Variants in CCDC60 observed in about 807,000 individuals in gnomAD.
CCDC60 encodes coiled-coil domain-containing protein 60.
A neutral mutation model predicts 63.5 loss-of-function variants in CCDC60; 54 were observed. The observed-to-expected ratio is 0.85, with a 90% CI of 0.68 to 1.07. The LOEUF is 1.07. Ranked by LOEUF, CCDC60 falls within the 50% of genes least tolerant of loss-of-function variation. The pLI, the probability that CCDC60 is intolerant of heterozygous loss-of-function variation, is 0.00. For synonymous variants in CCDC60, 206 were observed against 238.8 expected, an observed-to-expected ratio of 0.86 and a Z score of 1.27; for missense variants, 651 against 684.3, an observed-to-expected ratio of 0.95 and a Z score of 0.54.
chr12:119,513,539 C>A (rs1214769910), intron 7 of CCDC60, among the ~76,000 whole-genome samples: 1 of 152,210 alleles, frequency 6.6e-6, no homozygotes, highest in Non-Finnish European at 1.5e-5. Flanking sequence ...CTATATATCT[C>A]TCTTTCCTAC....
intron 7 of CCDC60, among the ~76,000 whole-genome samples, chr12:119,511,893 G>C (rs975555188): frequency 6.6e-6 from 1 of 152,162 alleles, no homozygotes; most frequent in African/African-American, 2.4e-5. Flanking sequence ...CTTGCTAATA[G>C]GCTTCTGGAC....
chr12:119,446,358 G>C (rs1950541955), intron 2 of CCDC60, among the ~76,000 whole-genome samples: 1 of 152,140 alleles, frequency 6.6e-6, no homozygotes, highest in Non-Finnish European at 1.5e-5. Flanking sequence ...GTGGAGATGG[G>C]AGCAGTATAT....
chr12:119,493,753 G>A (rs1012371534), intron 5 of CCDC60, among the ~76,000 whole-genome samples: 1 of 152,190 alleles, frequency 6.6e-6, no homozygotes, highest in Non-Finnish European at 1.5e-5. Flanking sequence ...TTTAGGCAAA[G>A]TAGGATCTGA....
chr12:119,469,799 A>G (rs1031224490), intron 2 of CCDC60, among the ~76,000 whole-genome samples: 2 of 152,234 alleles, frequency 1.3e-5, no homozygotes, highest in African/African-American at 4.8e-5. Flanking sequence ...TGAGATGCGA[A>G]AAAATGGGCC....
intron 7 of CCDC60, among the ~76,000 whole-genome samples, chr12:119,507,539 C>CATATAT (rs1952047994): frequency 1.1e-5 from 1 of 91,026 alleles, no homozygotes; most frequent in African/African-American, 4.7e-5. Flanking sequence ...CATATATATA[C>CATATAT]ACATATATAT....
At chr12:119,407,551 A>T (rs1359217771) in intron 1 of CCDC60, among the ~76,000 whole-genome samples, 5 of 152,146 alleles carry the variant, frequency 3.3e-5, no homozygotes, top group African/African-American at 1.2e-4. Context: ...TTAATTAATT[A>T]CTAAAAATAT....
At chr12:119,419,539 C>T (rs567172768) in intron 1 of CCDC60, among the ~76,000 whole-genome samples, 4 of 152,284 alleles carry the variant, frequency 2.6e-5, no homozygotes, top group South Asian at 2.1e-4. Context: ...ATGGGTATCT[C>T]GTTTCCTTTG....
chr12:119,344,159 G>A (rs1252869853), intron 1 of CCDC60, among the ~76,000 whole-genome samples: 2 of 152,144 alleles, frequency 1.3e-5, no homozygotes, highest in Non-Finnish European at 2.9e-5. Context: ...ATTGCAGGGT[G>A]TGAAGCAGCA....
chr12:119,512,553 T>G (rs1437036857), intron 7 of CCDC60, among the ~76,000 whole-genome samples: 1 of 152,102 alleles, frequency 6.6e-6, no homozygotes, highest in Non-Finnish European at 1.5e-5. Flanking sequence ...CCCTACCAGG[T>G]GCAATGGATG....
chr12:119,450,117 T>C (rs556408512), intron 2 of CCDC60, among the ~76,000 whole-genome samples: 2 of 152,254 alleles, frequency 1.3e-5, no homozygotes, highest in African/African-American at 4.8e-5. Context: ...TGCAGCAACA[T>C]GAATGGAACT....
At chr12:119,506,419 G>A (rs77344462) in intron 7 of CCDC60, among the ~76,000 whole-genome samples, 8,069 of 138,448 alleles carry the variant, frequency 0.058, 718 homozygotes, top group African/African-American at 0.2. Context: ...CTTGGGCAAC[G>A]TGGTGAAACC....
intron 4 of CCDC60, among the ~76,000 whole-genome samples, chr12:119,485,530 C>T (rs1951417873): frequency 6.6e-6 from 1 of 152,164 alleles, no homozygotes; most frequent in African/African-American, 2.4e-5. Flanking sequence ...TTTCTCCCAA[C>T]CCTCTCGAGG....
chr12:119,497,333 T>G lies in CCDC60; in HGVS notation c.558-2745T>G, dbSNP rs527826761. Among the ~76,000 whole-genome samples the G allele has an allele frequency of 2.0e-5, 3 of 152,320 alleles. No individual in the cohort carries two copies. The South Asian group carries it at 6.2e-4, about 32-fold the overall frequency. On this transcript the variant is annotated intron_variant, in intron 5 of 13. Coordinates refer to ENST00000327554, the MANE Select transcript of CCDC60 (RefSeq NM_178499.5). ...CAGCTTAGGTGGTTTTATTTTTTTC[T>G]TCCTTCCCCTATTGATCTTCCTTTT...
chr12:119,407,692 C>T (rs1956518964), intron 1 of CCDC60, among the ~76,000 whole-genome samples: 1 of 152,218 alleles, frequency 6.6e-6, no homozygotes, highest in Non-Finnish European at 1.5e-5. Context: ...GGTTCATTTC[C>T]TGACCCTGTA....
At chr12:119,441,828 T>C (rs1358345488) in intron 2 of CCDC60, among the ~76,000 whole-genome samples, 1 of 152,182 alleles carries the variant, frequency 6.6e-6, no homozygotes. Flanking sequence ...TTTAAAGCCA[T>C]TATGAATAAA....
intron 1 of CCDC60, among the ~76,000 whole-genome samples, chr12:119,406,790 C>T (rs548312326): frequency 1.6e-4 from 24 of 152,144 alleles, no homozygotes; most frequent in Admixed American, 6.5e-4. Flanking sequence ...ACCTACATAC[C>T]CCCACTGATC....
Position 119,456,060 on chromosome 12 carries a change from A to AAAGC in CCDC60, c.171-15924_171-15921dup, listed in dbSNP as rs77318681. 0.013 allele frequency among the ~76,000 whole-genome samples: 1,595 copies of AAAGC among 118,814 alleles called. 40 individuals are homozygous for AAAGC. The highest frequency in any genetic ancestry group is 0.023 in the South Asian group (76 of 3,268). The allele number at this position is 118,814 out of a possible 152,430, so 77.9% of individuals were successfully genotyped here. ...GAAAGAAAGAAAGAAAGAAAGAAAG[A>AAAGC]AAGCAAGCAAGCATGTGCAATTTCA... On this transcript the variant is annotated intron_variant, in intron 2 of 13. Coordinates refer to ENST00000327554, the MANE Select transcript of CCDC60 (RefSeq NM_178499.5). The surrounding 1 kb of genome is among the most constrained non-coding windows in gnomAD (Gnocchi z 4.6).
chr12:119,474,636 G>A (rs1951137417), intron 3 of CCDC60, among the ~76,000 whole-genome samples: 1 of 152,096 alleles, frequency 6.6e-6, no homozygotes, highest in Non-Finnish European at 1.5e-5. Flanking sequence ...TGTACAACAT[G>A]GTGCAATGTA....
chr12:119,360,891 C>T (rs1347156420), intron 1 of CCDC60, among the ~76,000 whole-genome samples: 1 of 152,142 alleles, frequency 6.6e-6, no homozygotes, highest in Non-Finnish European at 1.5e-5. Flanking sequence ...CCCGGCACCT[C>T]GGGAGGCCGA....
Sources: allele counts gnomAD v4.1 joint callset (sites outside exome capture counted in the v4.1 genomes callset), GRCh38; gene constraint gnomAD v4.1.1; non-coding constraint Gnocchi (gnomAD v3.1); transcripts MANE v1.5; gene names NCBI Gene and HGNC (gene_info 2026-07-23, HGNC 2026-07-21).